TSNAX: variants seen among roughly 807,000 people sequenced by gnomAD.
The protein encoded by TSNAX is translin associated factor X, also known as translin-associated protein X.
In TSNAX, 12 loss-of-function variants were observed where a neutral mutation model predicts 33.0. The observed-to-expected ratio is 0.36, with a 90% CI of 0.23 to 0.59. The LOEUF (loss-of-function observed/expected upper bound fraction) is 0.59, where lower values mean the gene tolerates loss of function less well. Among genes scored for constraint, TSNAX ranks in the 20% least tolerant of loss-of-function variants. The pLI, the probability that TSNAX is intolerant of heterozygous loss-of-function variation, is 0.74. For missense variants in TSNAX, 267 were observed against 341.3 expected (o/e 0.78, Z 1.72); for synonymous variants, 110 against 117.2 (o/e 0.94, Z 0.40).
At chr1:231,553,702 TTGAGATG>T (rs1660496758) in intron 4 of TSNAX, among the ~76,000 whole-genome samples, 1 of 151,216 alleles carries the variant, frequency 6.6e-6, no homozygotes, top group African/African-American at 2.4e-5. Context: ...TTTTTTTTCT[TTGAGATG>T]GAGTTTTGCT....
At position 231,565,021 on chromosome 1, in the gene TSNAX, T is replaced by C. The variant is rs188899570; in HGVS notation, c.*116T>C. On this transcript the variant is annotated 3_prime_UTR_variant, in exon 6 of 6. Transcript: ENST00000366639. The stretch of plus-strand genomic sequence containing the variant: ...GGCTTTTACATAGAAACATATTCAG[T>C]TGTACTTGTTTTAAATTGTATACAA... 2.5e-4 allele frequency: 318 copies of C among 1,250,038 alleles called. 1 individual carries two copies. Among genetic ancestry groups the C allele is most frequent in the Admixed American group, 1.6e-3 (60 of 38,212 alleles). The allele number at this position is 1,250,038 out of a possible 1,614,324, so 77.4% of individuals were successfully genotyped here. A position where few individuals can be genotyped will look rare whatever the true frequency, so the allele number is the denominator to read the frequency against.
At chr1:231,534,715 C>T (rs1019194189) in intron 2 of TSNAX, 4 of 152,154 alleles carry the variant, frequency 2.6e-5, no homozygotes, top group African/African-American at 7.2e-5. Flanking sequence ...ACCCTTAGTA[C>T]GTTTATCTCA....
chr1:231,558,201 C>G (rs775956516), intron 4 of TSNAX, among the ~76,000 whole-genome samples: 11 of 152,088 alleles, frequency 7.2e-5, no homozygotes, highest in Non-Finnish European at 1.6e-4. Context: ...AAGGAATTCC[C>G]TGCCCAAGGA....
intron 4 of TSNAX, among the ~76,000 whole-genome samples, chr1:231,557,093 C>G (rs1270327024): frequency 6.6e-6 from 1 of 152,036 alleles, no homozygotes; most frequent in African/African-American, 2.4e-5. Flanking sequence ...TTGAGAGAAC[C>G]AGGTTTGGAA....
intron 3 of TSNAX, among the ~76,000 whole-genome samples, chr1:231,541,225 T>G (rs1659553540): frequency 6.6e-6 from 1 of 152,228 alleles, no homozygotes; most frequent in South Asian, 2.1e-4. Flanking sequence ...GTTTTGTTTT[T>G]GTAGTGATTG....
chr1:231,533,145 C>A (rs542357451), intron 2 of TSNAX, among the ~76,000 whole-genome samples: 1 of 151,514 alleles, frequency 6.6e-6, no homozygotes, highest in South Asian at 2.1e-4. Flanking sequence ...CAGCTCACTG[C>A]AACCTCCGCC....
At chr1:231,540,067 G>A (rs1395474581) in intron 3 of TSNAX, among the ~76,000 whole-genome samples, 2 of 151,460 alleles carry the variant, frequency 1.3e-5, no homozygotes, top group African/African-American at 4.9e-5. Context: ...CCAGCTACTC[G>A]GGAGGCTGAG....
chr1:231,551,017 G>C (rs1160941376), intron 4 of TSNAX, among the ~76,000 whole-genome samples: 1 of 152,088 alleles, frequency 6.6e-6, no homozygotes, highest in Non-Finnish European at 1.5e-5. Flanking sequence ...ATATCACTTG[G>C]TAAGCAGTTC....
chr1:231,553,755 C>T (rs191405832), intron 4 of TSNAX, among the ~76,000 whole-genome samples: 5 of 148,516 alleles, frequency 3.4e-5, no homozygotes, highest in Non-Finnish European at 4.4e-5. Context: ...GGCGAGATCT[C>T]GGCTCACCAC....
Position 231,561,148 on chromosome 1 carries a change from G to A in TSNAX, c.388G>A (p.Ala130Thr). Residue 130 changes from alanine to threonine, a missense_variant, in exon 5 of 6, where the codon GCT (alanine) becomes ACT (threonine). Physicochemically the swap from Ala to Thr is moderately conservative, Grantham distance 58 (BLOSUM62 0). Transcript: ENST00000366639. ...TTCAGGACTACAGGAATATGTGGAA[G>A]CTGTCTCTTTTCAACACTTCATCAA... ...ITTGLQEYVE[A>T]VSFQHFIKTR... 1 of 1,610,580 alleles carries A rather than the reference G, an allele frequency of 6.2e-7. No homozygotes were observed. The highest frequency in any genetic ancestry group is 8.5e-7 in the Non-Finnish European group (1 of 1,179,096).
intron 4 of TSNAX, among the ~76,000 whole-genome samples, chr1:231,555,769 T>C (rs1660650867): frequency 6.6e-6 from 1 of 152,142 alleles, no homozygotes; most frequent in Admixed American, 6.5e-5. Context: ...AAGAGTTTGC[T>C]CCTGCTCAAG....
intron 4 of TSNAX, among the ~76,000 whole-genome samples, chr1:231,547,841 CTT>C (rs35520639): frequency 1.1e-4 from 14 of 123,858 alleles, no homozygotes; most frequent in Admixed American, 1.7e-4. Context: ...CCATTGCTTT[CTT>C]TTTTTTTTTT....
intron 4 of TSNAX, among the ~76,000 whole-genome samples, chr1:231,550,332 G>GT (rs927608819): frequency 3.9e-5 from 6 of 152,158 alleles, no homozygotes; most frequent in African/African-American, 1.4e-4. Flanking sequence ...CCAGGGGTGG[G>GT]TGGGGGTGTT....
chr1:231,564,470 A>G (rs2124952937), intron 5 of TSNAX, 58 bp from the exon 6 acceptor site: 2 of 1,541,862 alleles, frequency 1.3e-6, no homozygotes, highest in East Asian at 4.5e-5. Flanking sequence ...TCTTTTTCAC[A>G]GTGTTCTTTC....
chr1:231,549,100 T>C (rs1173267913), intron 4 of TSNAX, among the ~76,000 whole-genome samples: 4 of 152,122 alleles, frequency 2.6e-5, no homozygotes. Flanking sequence ...TTTCCTGTCA[T>C]GTGCTGAGAA....
intron 4 of TSNAX, among the ~76,000 whole-genome samples, chr1:231,549,279 A>G (rs1660147647): frequency 6.6e-6 from 1 of 152,110 alleles, no homozygotes; most frequent in Admixed American, 6.5e-5. Flanking sequence ...CCCCATGTCT[A>G]TTAAAAATAC....
At chr1:231,536,127 T>C (rs1352692137) in intron 2 of TSNAX, 1 of 152,228 alleles carries the variant, frequency 6.6e-6, no homozygotes, top group Non-Finnish European at 1.5e-5. Context: ...TTACTGATCA[T>C]TTTCAGATGA....
rs1661417777 is a variant in TSNAX, at chr1:231,566,149, A to G, written c.*1244A>G. 1.3e-5 allele frequency: 2 copies of G among 152,608 alleles called. No homozygotes were observed. Among genetic ancestry groups the G allele is most frequent in the Non-Finnish European group, 2.9e-5 (2 of 68,030 alleles). The allele number at this position is 152,608 out of a possible 1,614,324, so 9.5% of individuals were successfully genotyped here. ...TAGCATTTACTTTTAAATAATTATA[A>G]TGAAGTTTTGAAATACTAAGTTAAT... On this transcript the variant is annotated 3_prime_UTR_variant, in exon 6 of 6. Coordinates refer to ENST00000366639, the MANE Select transcript of TSNAX (RefSeq NM_005999.3).
intron 2 of TSNAX, chr1:231,534,236 G>A (rs1462292181): frequency 6.6e-6 from 1 of 152,126 alleles, no homozygotes; most frequent in Non-Finnish European, 1.5e-5. Flanking sequence ...TTCTTTTTGG[G>A]GGTATTGCAA....
Sources: gnomAD v4.1 joint callset for allele counts (sites outside exome capture counted in the v4.1 genomes callset) on GRCh38, gnomAD v4.1.1 for gene constraint, MANE v1.5 for transcripts, NCBI Gene and HGNC (gene_info 2026-07-23, HGNC 2026-07-21) for gene names.